RBM26: variants seen among roughly 807,000 people sequenced by gnomAD.
RBM26 encodes RNA binding motif protein 26.
In RBM26, 30 loss-of-function variants were observed where a neutral mutation model predicts 123.6. That is an observed-to-expected ratio of 0.24 (90% CI 0.18 to 0.33). The LOEUF is 0.33. Ranked by LOEUF, RBM26 falls within the 10% of genes least tolerant of loss-of-function variation. RBM26 has a pLI of 1.00. For synonymous variants in RBM26, 400 were observed against 404.4 expected (o/e 0.99, Z 0.13); for missense variants, 947 against 1,203.6 (o/e 0.79, Z 3.15).
At chr13:79,334,672 A>G (rs547098092) in intron 19 of RBM26, among the ~76,000 whole-genome samples, 1 of 152,098 alleles carries the variant, frequency 6.6e-6, no homozygotes, top group Non-Finnish European at 1.5e-5. Context: ...CTTATACTCA[A>G]TTGAACTATG....
chr13:79,377,679 C>T (rs1271020989), intron 2 of RBM26, among the ~76,000 whole-genome samples, 164 bp from the exon 3 acceptor site: 1 of 152,168 alleles, frequency 6.6e-6, no homozygotes, highest in Non-Finnish European at 1.5e-5. Context: ...GTAATCCCAG[C>T]ACTTTGGGAG....
At chr13:79,345,689 G>A (rs1490279613) in intron 14 of RBM26, among the ~76,000 whole-genome samples, 2 of 152,088 alleles carry the variant, frequency 1.3e-5, no homozygotes, top group African/African-American at 4.8e-5. Flanking sequence ...ACCCAAAAAT[G>A]CATTCCAAGA....
At chr13:79,342,165 G>A (rs1461190765) in intron 17 of RBM26, among the ~76,000 whole-genome samples, 2 of 151,742 alleles carry the variant, frequency 1.3e-5, no homozygotes, top group Non-Finnish European at 3.0e-5. Flanking sequence ...TTAGAGTCAT[G>A]ACCTTATACA....
intron 1 of RBM26, among the ~76,000 whole-genome samples, chr13:79,381,420 A>G (rs545870346): frequency 1.1e-5 from 1 of 93,454 alleles, no homozygotes; most frequent in African/African-American, 4.1e-5. Flanking sequence ...TTTACTGGAA[A>G]TCATTATGAT....
chr13:79,394,879 C>A (rs1383295177), intron 1 of RBM26, among the ~76,000 whole-genome samples: 2 of 152,208 alleles, frequency 1.3e-5, no homozygotes, highest in Non-Finnish European at 2.9e-5. Flanking sequence ...GGTGATCCGT[C>A]CACCTTGGCC....
chr13:79,344,113 A>C, intron 16 of RBM26, 135 bp downstream of exon 16: 1 of 699,580 alleles, frequency 1.4e-6, no homozygotes, highest in Non-Finnish European at 2.6e-6. Flanking sequence ...CTTCATCTCC[A>C]ATATTATCAC....
Position 79,358,367 on chromosome 13 carries a change from G to C in RBM26, c.1596C>G (p.Thr532=). 6.2e-7 allele frequency: 1 copy of C among 1,611,408 alleles called. No individual in the cohort carries two copies. Among genetic ancestry groups the C allele is most frequent in the Admixed American group, 1.7e-5 (1 of 59,522 alleles). ...QKKVQFGNEN[T]KLELRKVPPE... is the part of the protein sequence containing the mutation. ...GAGGAACTTTTCTAAGTTCAAGCTT[G>C]GTATTTTCATTTCCAAATTGAACCT... The change falls in exon 11 of 22, where the codon ACC becomes ACG. Residue 532 remains threonine (T), a synonymous_variant. Coordinates refer to ENST00000438737, the MANE Select transcript of RBM26 (RefSeq NM_001366735.2).
At chr13:79,398,376 T>C (rs958019652) in intron 1 of RBM26, among the ~76,000 whole-genome samples, 4 of 152,162 alleles carry the variant, frequency 2.6e-5, no homozygotes, top group African/African-American at 9.7e-5. Context: ...CAGCCAAAGA[T>C]AAGGAAGTGC....
intron 9 of RBM26, among the ~76,000 whole-genome samples, chr13:79,364,005 C>G (rs2074996732): frequency 6.6e-6 from 1 of 152,132 alleles, no homozygotes; most frequent in Non-Finnish European, 1.5e-5. Context: ...TTTCTGTGAA[C>G]TAGCCAGGTG....
chr13:79,346,518 G>A (rs1176301577), intron 14 of RBM26, among the ~76,000 whole-genome samples: 2 of 151,934 alleles, frequency 1.3e-5, no homozygotes, highest in Non-Finnish European at 2.9e-5. Context: ...GACCTCAGCC[G>A]CGCACCACCA....
intron 17 of RBM26, 25 bp from the exon 18 acceptor site, chr13:79,341,252 A>G (rs1244532284): frequency 6.8e-7 from 1 of 1,465,056 alleles, no homozygotes; most frequent in Admixed American, 1.7e-5. Context: ...TTAATATTTT[A>G]GGTGACAGTA....
intron 17 of RBM26, 125 bp from the exon 18 acceptor site, chr13:79,341,352 T>G (rs1382178718): frequency 1.8e-6 from 1 of 548,598 alleles, no homozygotes; most frequent in Non-Finnish European, 3.1e-6. Flanking sequence ...GTATAATCAC[T>G]CTAATCCAAG....
chr13:79,396,730 C>T (rs12584193), intron 1 of RBM26, among the ~76,000 whole-genome samples: 57,884 of 152,002 alleles, frequency 0.38, 11,371 homozygotes, highest in East Asian at 0.53. Context: ...AGAATACTTC[C>T]ACTTGTTTTA....
intron 14 of RBM26, among the ~76,000 whole-genome samples, chr13:79,345,899 G>GT (rs2072250719): frequency 6.6e-6 from 1 of 152,026 alleles, no homozygotes; most frequent in Non-Finnish European, 1.5e-5. Flanking sequence ...AAGAAAAACA[G>GT]TTTAAGTTCC....
intron 20 of RBM26, among the ~76,000 whole-genome samples, chr13:79,330,083 C>T (rs544794680): frequency 3.3e-5 from 5 of 152,274 alleles, no homozygotes; most frequent in Admixed American, 3.3e-4. Context: ...ACTGTTGAAG[C>T]TCAATGATGT....
rs1229852202 is a variant in RBM26 at position 79,319,534 on chromosome 13, CCAAA to C, written c.*1083_*1086del. 3.4e-5 allele frequency: 33 copies of C among 983,264 alleles called. No homozygotes were observed. Among genetic ancestry groups the C allele is most frequent in the East Asian group, 2.3e-4 (2 of 8,808 alleles). 60.9% of individuals were successfully genotyped at this position (983,264 alleles called of 1,614,324 possible). On this transcript the variant is annotated 3_prime_UTR_variant, in exon 22 of 22. Transcript: ENST00000438737. The stretch of plus-strand genomic sequence containing the variant: ...TTAAAATATCAGACTGGAACACTTA[CCAAA>C]CAGTGTTTTCCTAAAGTAGTATCTA...
At chr13:79,376,379 A>C (rs540588854) in intron 3 of RBM26, 1 of 152,266 alleles carries the variant, frequency 6.6e-6, no homozygotes, top group Non-Finnish European at 1.5e-5. Context: ...AATTTTTTTC[A>C]TAAGAGATGA....
Position 79,322,590 on chromosome 13 carries a change from C to A in RBM26, c.2821-128G>T, listed in dbSNP as rs376936193. The A allele has an allele frequency of 9.0e-5, 48 of 532,190 alleles. 1 individual carries two copies. The highest frequency in any genetic ancestry group is 5.6e-4 in the East Asian group (16 of 28,666). The allele number at this position is 532,190 out of a possible 1,614,324, so 33.0% of individuals were successfully genotyped here. On this transcript the variant is annotated intron_variant, in intron 20 of 21. Transcript: ENST00000438737. ...CTGAAGATGGCTATCTGCCCATTTG[C>A]TTTTTGATTATTTACTATTCAATTT...
chr13:79,312,161 A>T (rs936961939), exon 5 of RBM26: 79 of 152,220 alleles, frequency 5.2e-4, no homozygotes, highest in African/African-American at 1.9e-3. Flanking sequence ...CAGGTATTTA[A>T]AACTGGAACA....
Sources: allele counts gnomAD v4.1 joint callset (sites outside exome capture counted in the v4.1 genomes callset), GRCh38; gene constraint gnomAD v4.1.1; transcripts MANE v1.5; gene names NCBI Gene and HGNC (gene_info 2026-07-23, HGNC 2026-07-21).